Variants in CADPS2 observed in about 807,000 individuals in gnomAD.
CADPS2 encodes calcium dependent secretion activator 2.
In CADPS2, 93 loss-of-function variants were observed where a neutral mutation model predicts 172.5. The ratio of observed to expected loss-of-function variants is 0.54; its 90% CI spans 0.46 to 0.64. The LOEUF (loss-of-function observed/expected upper bound fraction) is 0.64, where lower values mean the gene tolerates loss of function less well. Among genes scored for constraint, CADPS2 ranks in the 30% least tolerant of loss-of-function variants. CADPS2 has a pLI of 0.00. For synonymous variants in CADPS2, 546 were observed against 555.2 expected, an observed-to-expected ratio of 0.98 and a Z score of 0.23; for missense variants, 1,420 against 1,565.9, an observed-to-expected ratio of 0.91 and a Z score of 1.57.
chr7:122,698,922 T>C, intron 2 of CADPS2: 2 of 1,557,406 alleles, frequency 1.3e-6, no homozygotes, highest in Non-Finnish European at 1.7e-6. Flanking sequence ...GATGCATCTC[T>C]CTCTTCTCCG....
chr7:122,770,222 C>A (rs1470694390), intron 1 of CADPS2, among the ~76,000 whole-genome samples: 1 of 152,134 alleles, frequency 6.6e-6, no homozygotes, highest in Non-Finnish European at 1.5e-5. Context: ...ATGCTCATTT[C>A]TTTTCCTTCT....
At position 122,621,492 on chromosome 7, in the gene CADPS2, A is replaced by G; in HGVS notation, c.1093T>C (p.Phe365Leu). The G allele has an allele frequency of 6.2e-7, 1 of 1,610,310 alleles. No homozygotes were observed. The highest frequency in any genetic ancestry group is 8.5e-7 in the Non-Finnish European group (1 of 1,176,774). ...QLSKSDVVLS[F>L]TLEIVIMEVQ... ...ATAAAGCTACTTACCTCTAAGGTGA[A>G]TGACAGTACCACGTCGGACTTTGAC... is the stretch of plus-strand genomic sequence containing the variant. The change falls in exon 5 of 30, where the codon TTC (phenylalanine) becomes CTC (leucine). Residue 365 changes from phenylalanine (F) to leucine (L), a missense_variant. Physicochemically the swap from Phe to Leu is conservative, Grantham distance 22. Coordinates refer to ENST00000449022, the MANE Select transcript of CADPS2 (RefSeq NM_017954.11).
At chr7:122,466,888 T>C (rs2055213514) in intron 14 of CADPS2, among the ~76,000 whole-genome samples, 1 of 152,114 alleles carries the variant, frequency 6.6e-6, no homozygotes, top group Non-Finnish European at 1.5e-5. Context: ...CTCAGAGATA[T>C]TTCCAACACA....
Position 122,663,260 on chromosome 7 carries a change from G to C in CADPS2, c.763C>G (p.Gln255Glu). 1 of 1,612,224 alleles carries C rather than the reference G, an allele frequency of 6.2e-7. No individual in the cohort carries two copies. The highest frequency in any genetic ancestry group is 8.5e-7 in the Non-Finnish European group (1 of 1,178,664). ...ACCTGACATGCATTATAAAGGAGCTGGTGTTCCAGTTTTTTAATACCCAGA... is the reference window on the plus strand; with the variant it reads ...ACCTGACATGCATTATAAAGGAGCTCGTGTTCCAGTTTTTTAATACCCAGA... ...QILGIKKLEH[Q>E]LLYNACQLDN... is the part of the protein sequence containing the mutation. The change falls in exon 3 of 30, where the codon CAG (glutamine) becomes GAG (glutamate). Residue 255 changes from glutamine to glutamate, a missense_variant. Gln to Glu is a conservative substitution (Grantham distance 29). Transcript: ENST00000449022.
At chr7:122,434,159 C>T (rs1215863358) in intron 17 of CADPS2, among the ~76,000 whole-genome samples, 4 of 152,120 alleles carry the variant, frequency 2.6e-5, no homozygotes, top group African/African-American at 9.7e-5. Context: ...TAAAGAGCAT[C>T]GGATTGTTGC....
At chr7:122,679,057 A>T (rs1179562305) in intron 2 of CADPS2, among the ~76,000 whole-genome samples, 1 of 152,074 alleles carries the variant, frequency 6.6e-6, no homozygotes, top group Non-Finnish European at 1.5e-5. Context: ...GTGCGTTTGA[A>T]CAATATGAAA....
At position 122,581,243 on chromosome 7, in the gene CADPS2, A is replaced by G. The variant is rs775198588; in HGVS notation, c.1271T>C (p.Val424Ala). The change falls in exon 7 of 30, where the codon GTC (valine) becomes GCC (alanine). Residue 424 changes from valine (V) to alanine (A), a missense_variant. Transcript: ENST00000449022. ...DFTTTHPRPV[V>A]KVKLFTESTG... is the part of the protein sequence containing the mutation. ...GCTTTCTGTGAAGAGTTTCACTTTG[A>G]CCACAGGCCGAGGATGGGTGGTGGT... The G allele has an allele frequency of 6.2e-7, 1 of 1,613,194 alleles. No homozygotes were observed.
At chr7:122,704,890 C>T (rs976743162) in intron 2 of CADPS2, among the ~76,000 whole-genome samples, 5 of 151,936 alleles carry the variant, frequency 3.3e-5, no homozygotes, top group Admixed American at 2.6e-4. Flanking sequence ...ACCAGCGTTG[C>T]CACTAAAACA....
chr7:122,625,097 C>G (rs950586446), intron 4 of CADPS2, among the ~76,000 whole-genome samples: 3 of 151,472 alleles, frequency 2.0e-5, no homozygotes, highest in Admixed American at 2.0e-4. Flanking sequence ...GTTGCCCAAG[C>G]TGGAGTGCAA....
chr7:122,836,488 T>C (rs1406290014), intron 1 of CADPS2, among the ~76,000 whole-genome samples: 2 of 152,058 alleles, frequency 1.3e-5, no homozygotes, highest in African/African-American at 2.4e-5. Context: ...GACTGGCAAA[T>C]TGGATTAAGA....
At chr7:122,858,755 C>T (rs1412369043) in intron 1 of CADPS2, among the ~76,000 whole-genome samples, 1 of 152,068 alleles carries the variant, frequency 6.6e-6, no homozygotes, top group East Asian at 1.9e-4. Context: ...GCTGTGTGGC[C>T]ACTGGACATC....
intron 1 of CADPS2, among the ~76,000 whole-genome samples, chr7:122,844,154 C>T (rs2428904): frequency 6.6e-6 from 1 of 152,054 alleles, no homozygotes; most frequent in Admixed American, 6.5e-5. Flanking sequence ...CGAGCCTCAC[C>T]TGGAGGTGAG....
At chr7:122,783,395 T>C (rs549545447) in intron 1 of CADPS2, among the ~76,000 whole-genome samples, 9 of 152,280 alleles carry the variant, frequency 5.9e-5, no homozygotes, top group African/African-American at 2.2e-4. Context: ...TCCTTATGTT[T>C]GAGGGGCTGA....
intron 13 of CADPS2, 71 bp downstream of exon 13, chr7:122,474,310 T>C: frequency 6.8e-7 from 1 of 1,471,116 alleles, no homozygotes; most frequent in Non-Finnish European, 9.3e-7. Flanking sequence ...CTAAAATCTT[T>C]TATTCCAACT....
At chr7:122,879,989 A>G (rs1173342183) in intron 1 of CADPS2, among the ~76,000 whole-genome samples, 1 of 152,244 alleles carries the variant, frequency 6.6e-6, no homozygotes, top group Non-Finnish European at 1.5e-5. Context: ...AATTACTTTA[A>G]TTACTTTAAT....
chr7:122,809,942 T>G (rs1271994036), intron 1 of CADPS2, among the ~76,000 whole-genome samples: 2 of 152,290 alleles, frequency 1.3e-5, no homozygotes, highest in East Asian at 3.9e-4. Context: ...TGCTAATGGT[T>G]ATTACACACA....
chr7:122,420,320 A>G (rs952334032), intron 17 of CADPS2, among the ~76,000 whole-genome samples: 1 of 152,226 alleles, frequency 6.6e-6, no homozygotes, highest in Non-Finnish European at 1.5e-5. Flanking sequence ...CACTATCTTA[A>G]GTACAAACTC....
chr7:122,553,160 C>T (rs1217388982), intron 8 of CADPS2, among the ~76,000 whole-genome samples: 1 of 152,112 alleles, frequency 6.6e-6, no homozygotes, highest in East Asian at 1.9e-4. Flanking sequence ...CCCAGGTTCC[C>T]ATTTCTGTCT....
rs190746954 is a variant in CADPS2, at chr7:122,860,496, G to A, written c.339+25503C>T. ...GCAATTCTCCTGTCATCCTCCCAAAGTGCTGTGATTACCAGTGTGAGCCAC... is the reference window on the plus strand; with the variant it reads ...GCAATTCTCCTGTCATCCTCCCAAAATGCTGTGATTACCAGTGTGAGCCAC... On this transcript the variant is annotated intron_variant, in intron 1 of 29. Transcript: ENST00000449022. Among the ~76,000 whole-genome samples, 628 of 152,152 alleles carry A rather than the reference G, an allele frequency of 4.1e-3. 3 individuals carry two copies. The highest frequency in any genetic ancestry group is 0.014 in the African/African-American group (581 of 41,526).
Sources: gnomAD v4.1 joint callset for allele counts (sites outside exome capture counted in the v4.1 genomes callset) on GRCh38, gnomAD v4.1.1 for gene constraint, MANE v1.5 for transcripts, NCBI Gene and HGNC (gene_info 2026-07-23, HGNC 2026-07-21) for gene names.